BMPER: variants seen among roughly 807,000 people sequenced by gnomAD.
The protein encoded by BMPER is BMP binding endothelial regulator, also known as BMP-binding endothelial regulator protein.
Under a neutral mutation model 87.3 loss-of-function variants are expected in BMPER, and 45 were observed. The observed-to-expected ratio is 0.52, with a 90% confidence interval of 0.41 to 0.66. BMPER has a LOEUF of 0.66. Among genes scored for constraint, BMPER ranks in the 30% least tolerant of loss-of-function variants. The probability of loss-of-function intolerance (pLI) is 0.00; values close to 1 mark genes in which losing one functional copy is unlikely to be tolerated. For missense variants in BMPER, 784 were observed against 867.5 expected (o/e 0.90, Z 1.21); for synonymous variants, 326 against 316.2 (o/e 1.03, Z -0.33).
At chr7:34,011,089 C>T (rs1786862010) in intron 6 of BMPER, among the ~76,000 whole-genome samples, 1 of 151,588 alleles carries the variant, frequency 6.6e-6, no homozygotes, top group Non-Finnish European at 1.5e-5. Context: ...TGGAATTTGT[C>T]TTAAGTTTAT....
chr7:34,115,410 G>GTAATGTATTTA (rs1790092022), intron 13 of BMPER, among the ~76,000 whole-genome samples: 1 of 152,140 alleles, frequency 6.6e-6, no homozygotes, highest in Non-Finnish European at 1.5e-5. Flanking sequence ...TATTTTCACA[G>GTAATGTATTTA]CTATGTGCAT....
In BMPER at chr7:34,142,010, T is replaced by A. The variant is rs533941503; in HGVS notation, c.1746-1220T>A. On this transcript the variant is annotated intron_variant, in intron 13 of 14. Coordinates refer to ENST00000649409, the MANE Select transcript of BMPER (RefSeq NM_001365308.1). Reference sequence around the variant, plus strand: ...ATTATAGTGTCCAGTGGCAGTGTCATGATCACTTTTCAAGATCGTAAGTGC... The same window carrying A: ...ATTATAGTGTCCAGTGGCAGTGTCAAGATCACTTTTCAAGATCGTAAGTGC... 5.3e-5 allele frequency among the ~76,000 whole-genome samples: 8 copies of A among 152,338 alleles called. No individual in the cohort carries two copies. The East Asian group carries it at 1.5e-3, about 29-fold the overall frequency.
At chr7:33,984,804 TTTC>T (rs1785958670) in intron 6 of BMPER, among the ~76,000 whole-genome samples, 1 of 152,214 alleles carries the variant, frequency 6.6e-6, no homozygotes, top group Admixed American at 6.5e-5. Flanking sequence ...TTCCTTTAAT[TTTC>T]TTCTTCATCC....
rs1280818548 is a variant in BMPER at position 34,119,032 on chromosome 7, A to ACACACACACACACACACG, written c.1746-24193_1746-24192insACACACACACACGCACAC. 9.0e-4 allele frequency among the ~76,000 whole-genome samples: 137 copies of ACACACACACACACACACG among 151,428 alleles called. 3 individuals carry two copies. The highest frequency in any genetic ancestry group is 8.8e-5 in the Non-Finnish European group (6 of 67,832). Reference sequence around the variant, plus strand: ...CTCTCTCTCACACACACACACACACACACACGCACTCGATACGATGACACA... The same window carrying ACACACACACACACACACG: ...CTCTCTCTCACACACACACACACACACACACACACACACACACGCACACGCACTCGATACGATGACACA... On this transcript the variant is annotated intron_variant, in intron 13 of 14. Coordinates refer to ENST00000649409, the MANE Select transcript of BMPER (RefSeq NM_001365308.1).
chr7:33,908,184 C>T lies in BMPER; in HGVS notation c.219+1281C>T, dbSNP rs1251002670. ...AAATTTTGACTCAGTTGTAGATTTACAAATGCAGTGTGTGTGTATGTGTGT... is the reference window on the plus strand; with the variant it reads ...AAATTTTGACTCAGTTGTAGATTTATAAATGCAGTGTGTGTGTATGTGTGT... On this transcript the variant is annotated intron_variant, in intron 2 of 14. Transcript: ENST00000649409. Among the ~76,000 whole-genome samples the T allele has an allele frequency of 2.6e-5, 4 of 152,212 alleles. No homozygotes were observed. The East Asian group carries it at 7.7e-4, about 29-fold the overall frequency.
intron 6 of BMPER, 141 bp downstream of exon 6, chr7:33,974,925 G>T (rs1368532759): frequency 4.7e-6 from 4 of 850,856 alleles, no homozygotes; most frequent in Admixed American, 2.0e-5. Flanking sequence ...TGGAGCCGAG[G>T]GAAAAGCTCA....
At chr7:34,042,704 G>A (rs1316581858) in intron 6 of BMPER, 1 of 152,216 alleles carries the variant, frequency 6.6e-6, no homozygotes, top group Non-Finnish European at 1.5e-5. Flanking sequence ...ATTCTGTGTG[G>A]TAGCTCTGCC....
intron 6 of BMPER, among the ~76,000 whole-genome samples, chr7:34,019,949 G>GTT (rs113364621): frequency 8.0e-4 from 110 of 138,076 alleles, no homozygotes; most frequent in Non-Finnish European, 9.6e-4. Context: ...TTTTTAGAAG[G>GTT]TTTTTTTTTT....
chr7:34,089,730 T>C lies in BMPER; in HGVS notation c.1745+3638T>C, dbSNP rs371923664. ...AATTCCTGACCTCAGGTGATCTGCC[T>C]GCCTCAGCCTCCCAAAGTGCTGGGA... is the stretch of plus-strand genomic sequence containing the variant. On this transcript the variant is annotated intron_variant, in intron 13 of 14. Transcript: ENST00000649409. Among the ~76,000 whole-genome samples, 337 of 152,270 alleles carry C rather than the reference T, an allele frequency of 2.2e-3. 7 individuals carry two copies. The South Asian group carries it at 0.049, about 22-fold the overall frequency.
chr7:34,134,381 G>C (rs188119151), intron 13 of BMPER, among the ~76,000 whole-genome samples: 1 of 152,264 alleles, frequency 6.6e-6, no homozygotes, highest in East Asian at 1.9e-4. Flanking sequence ...GCCACTAGAG[G>C]GGGGTCGTGA....
Position 34,046,463 on chromosome 7 carries a change from G to A in BMPER, c.676+58G>A, listed in dbSNP as rs1375140429. 3 of 1,544,072 alleles carry A rather than the reference G, an allele frequency of 1.9e-6. No homozygotes were observed. The African/African-American group carries it at 4.1e-5, about 21-fold the overall frequency. On this transcript the variant is annotated intron_variant, in intron 7 of 14. Coordinates refer to ENST00000649409, the MANE Select transcript of BMPER (RefSeq NM_001365308.1). ...TAATTTCTTCTCAAAGTTTCTGCTG[G>A]GAGTGTTTATCCACGTTGTTGTTTT... is the stretch of plus-strand genomic sequence containing the variant.
intron 12 of BMPER, among the ~76,000 whole-genome samples, chr7:34,081,944 A>G (rs1403775280): frequency 6.6e-6 from 1 of 152,210 alleles, no homozygotes; most frequent in Non-Finnish European, 1.5e-5. Context: ...GAAACAAACA[A>G]TGCAAAACAA....
rs1275952740 is a variant in BMPER at position 34,115,951 on chromosome 7, C to G, written c.1746-27279C>G. Among the ~76,000 whole-genome samples the G allele has an allele frequency of 5.9e-5, 9 of 152,298 alleles. No homozygotes were observed. The East Asian group carries it at 1.5e-3, about 26-fold the overall frequency. On this transcript the variant is annotated intron_variant, in intron 13 of 14. Coordinates refer to ENST00000649409, the MANE Select transcript of BMPER (RefSeq NM_001365308.1). ...GCTGCTCTTTTGCGTTCTGAGCGTT[C>G]TGATTTCTCCACATCCTTGCCAACA...
intron 6 of BMPER, among the ~76,000 whole-genome samples, chr7:33,985,965 TCAAATCTTGATC>T (rs1052683123): frequency 1.3e-5 from 2 of 152,210 alleles, no homozygotes; most frequent in African/African-American, 4.8e-5. Flanking sequence ...TCTTTACCCC[TCAAATCTTGATC>T]CAAATATATT....
At chr7:33,984,137 AC>A (rs1453488725) in intron 6 of BMPER, among the ~76,000 whole-genome samples, 37 of 152,172 alleles carry the variant, frequency 2.4e-4, no homozygotes, top group Non-Finnish European at 1.3e-4. Flanking sequence ...GGGCAGAGCC[AC>A]CCTTATTGCC....
At chr7:34,130,542 A>G (rs1790557373) in intron 13 of BMPER, among the ~76,000 whole-genome samples, 1 of 152,210 alleles carries the variant, frequency 6.6e-6, no homozygotes, top group Non-Finnish European at 1.5e-5. Flanking sequence ...CTATATAAAC[A>G]TCTGTAAGTA....
chr7:34,035,178 G>A (rs1437956466), intron 6 of BMPER, among the ~76,000 whole-genome samples: 1 of 152,166 alleles, frequency 6.6e-6, no homozygotes, highest in Non-Finnish European at 1.5e-5. Context: ...TAGTCTCTCT[G>A]CGCAGTGTTC....
chr7:34,053,887 G>A (rs1369778698), intron 8 of BMPER, among the ~76,000 whole-genome samples: 1 of 152,164 alleles, frequency 6.6e-6, no homozygotes, highest in Non-Finnish European at 1.5e-5. Flanking sequence ...GTCAATTGTA[G>A]TTTTCTGCAT....
intron 4 of BMPER, among the ~76,000 whole-genome samples, chr7:33,967,779 G>A (rs1346607758): frequency 6.6e-6 from 1 of 152,100 alleles, no homozygotes; most frequent in Admixed American, 6.5e-5. Context: ...CTCTTTGGTA[G>A]AGCACTCAGA....
Sources: allele counts gnomAD v4.1 joint callset (sites outside exome capture counted in the v4.1 genomes callset), GRCh38; gene constraint gnomAD v4.1.1; transcripts MANE v1.5; gene names NCBI Gene and HGNC (gene_info 2026-07-23, HGNC 2026-07-21).